SAMHD1: variants seen among roughly 807,000 people sequenced by gnomAD.
SAMHD1 encodes SAM and HD domain containing deoxynucleoside triphosphate triphosphohydrolase 1.
Under a neutral mutation model 79.6 loss-of-function variants are expected in SAMHD1, and 54 were observed. The ratio of observed to expected loss-of-function variants is 0.68; its 90% confidence interval spans 0.55 to 0.85. SAMHD1 has a LOEUF of 0.85. Among genes scored for constraint, SAMHD1 ranks in the 40% least tolerant of loss-of-function variants. The pLI is 0.00. For missense variants in SAMHD1, 663 were observed against 782.7 expected (o/e 0.85, Z 1.82); for synonymous variants, 260 against 264.1 (o/e 0.98, Z 0.15).
In SAMHD1 at chr20:36,951,587, C is replaced by T. The variant is rs1032186742; in HGVS notation, c.57G>A (p.Pro19=). The T allele has an allele frequency of 3.7e-6, 6 of 1,614,044 alleles. No individual in the cohort carries two copies. In the East Asian group the frequency reaches 8.9e-5, roughly 24 times the overall value. Residue 19 remains proline (P), a synonymous_variant, in exon 1 of 16, where the codon CCG becomes CCA. Coordinates refer to ENST00000646673, the MANE Select transcript of SAMHD1 (RefSeq NM_015474.4). Reference sequence around the variant, plus strand: ...CGGAAGGGGTGTTTGAGGGGGTTCTCGGGCTGTCATCGCAACGGGGACGCT... The same window carrying T: ...CGGAAGGGGTGTTTGAGGGGGTTCTTGGGCTGTCATCGCAACGGGGACGCT... ...PSKRPRCDDS[P]RTPSNTPSAE...
intron 5 of SAMHD1, among the ~76,000 whole-genome samples, chr20:36,929,967 T>C (rs547186027): frequency 3.6e-4 from 54 of 151,734 alleles, no homozygotes; most frequent in African/African-American, 1.3e-3. Flanking sequence ...GGCTTACACC[T>C]GTAATCCCAG....
chr20:36,902,807 G>A (rs557271774), intron 13 of SAMHD1, among the ~76,000 whole-genome samples: 2 of 151,166 alleles, frequency 1.3e-5, no homozygotes, highest in African/African-American at 2.4e-5. Flanking sequence ...GTGTGATCTC[G>A]GCTCACTGCA....
rs1290849663 is a variant in SAMHD1 at position 36,935,047 on chromosome 20, C to T, written c.491G>A (p.Arg164Gln). ...TTCTTACCCTAGACTATGCTCAAAT[C>T]GATTGTGTGAAGCTCCTGGAAAAAC... The part of the protein sequence containing the change: ...YYVFPGASHN[R>Q]FEHSLGVGYL... Residue 164 changes from arginine to glutamine, a missense_variant, in exon 4 of 16, where the codon CGA becomes CAA. By Grantham distance (43) the Arg-to-Gln change is conservative. Transcript: ENST00000646673. 42 of 1,613,888 alleles carry T rather than the reference C, an allele frequency of 2.6e-5. No individual in the cohort carries two copies. Among genetic ancestry groups the T allele is most frequent in the African/African-American group, 4.0e-5 (3 of 74,884 alleles).
At position 36,949,963 on chromosome 20, in the gene SAMHD1, G is replaced by A. The variant is rs540334623; in HGVS notation, c.208+1473C>T. On this transcript the variant is annotated intron_variant, in intron 1 of 15. Transcript: ENST00000646673. Reference sequence around the variant, plus strand: ...TGACCAGAGGGAGGCATATTCCACTGCTTTAGTGCCTGCCTGGTCAGATCT... The same window carrying A: ...TGACCAGAGGGAGGCATATTCCACTACTTTAGTGCCTGCCTGGTCAGATCT... Among the ~76,000 whole-genome samples the A allele has an allele frequency of 2.0e-5, 3 of 151,848 alleles. No individual in the cohort carries two copies. In the South Asian group the frequency reaches 6.2e-4, roughly 32 times the overall value.
At chr20:36,909,626 G>A (rs766974421) in intron 11 of SAMHD1, among the ~76,000 whole-genome samples, 155 of 146,728 alleles carry the variant, frequency 1.1e-3, no homozygotes, top group Non-Finnish European at 1.8e-3. Context: ...AGCCGAGATC[G>A]TGCCATTGCA....
At position 36,935,009 on chromosome 20, in the gene SAMHD1, C is replaced by A. The variant is rs771091385; in HGVS notation, c.509+20G>T. 6.2e-7 allele frequency: 1 copy of A among 1,612,996 alleles called. No homozygotes were observed. Among genetic ancestry groups the A allele is most frequent in the South Asian group, 1.1e-5 (1 of 91,038 alleles). On this transcript the variant is annotated intron_variant, in intron 4 of 15. Transcript: ENST00000646673. ...AAAATACTTAAAAACTGCAAGTTCC[C>A]CACCCCATTCCCTTCTTACCCTAGA...
chr20:36,936,883 G>T (rs1426042990), intron 3 of SAMHD1, among the ~76,000 whole-genome samples: 1 of 151,964 alleles, frequency 6.6e-6, no homozygotes, highest in East Asian at 1.9e-4. Flanking sequence ...GCTCATGCTT[G>T]TAATGCCAGC....
chr20:36,951,671 T>C lies in SAMHD1; in HGVS notation c.-28A>G. On this transcript the variant is annotated 5_prime_UTR_variant, in exon 1 of 16. Coordinates refer to ENST00000646673, the MANE Select transcript of SAMHD1 (RefSeq NM_015474.4). ...CTACACCTGGCGTCCGGCACAGCAG[T>C]CAAGAACCTCGGCGCCGGACCCGCG... 1 of 1,611,592 alleles carries C rather than the reference T, an allele frequency of 6.2e-7. No homozygotes were observed. The highest frequency in any genetic ancestry group is 8.5e-7 in the Non-Finnish European group (1 of 1,179,886).
At chr20:36,919,269 C>T (rs2040644972) in intron 7 of SAMHD1, 95 bp downstream of exon 7, 3 of 1,144,562 alleles carry the variant, frequency 2.6e-6, no homozygotes, top group African/African-American at 1.5e-5. Flanking sequence ...TATCATTTAG[C>T]CTCTAAAATA....
intron 2 of SAMHD1, among the ~76,000 whole-genome samples, chr20:36,942,575 G>A (rs1054702751): frequency 6.6e-6 from 1 of 152,104 alleles, no homozygotes; most frequent in African/African-American, 2.4e-5. Flanking sequence ...TTTTATTCCT[G>A]TGTTCCAACA....
At chr20:36,941,858 T>C (rs1207671200) in intron 2 of SAMHD1, among the ~76,000 whole-genome samples, 1 of 152,048 alleles carries the variant, frequency 6.6e-6, no homozygotes, top group Non-Finnish European at 1.5e-5. Context: ...AAGAATAATA[T>C]CTTGGGATAC....
At chr20:36,919,273 TA>T in intron 7 of SAMHD1, 90 bp downstream of exon 7, 3 of 1,294,916 alleles carry the variant, frequency 2.3e-6, no homozygotes, top group African/African-American at 1.5e-5. Context: ...ATTTAGCCTC[TA>T]AAATAGCCAA....
At chr20:36,916,511 G>A (rs1384179307) in intron 9 of SAMHD1, 3 of 493,142 alleles carry the variant, frequency 6.1e-6, no homozygotes, top group South Asian at 2.3e-5. Flanking sequence ...CCCAAAACCA[G>A]TGTCTAACTC....
chr20:36,906,724 A>T (rs1392932101), intron 11 of SAMHD1, among the ~76,000 whole-genome samples: 2 of 151,770 alleles, frequency 1.3e-5, no homozygotes, highest in Non-Finnish European at 2.9e-5. Context: ...AAAATAAAAT[A>T]TCCTTCACTT....
intron 3 of SAMHD1, among the ~76,000 whole-genome samples, chr20:36,939,034 G>C (rs1346383816): frequency 1.5e-5 from 2 of 131,302 alleles, no homozygotes; most frequent in African/African-American, 5.8e-5. Flanking sequence ...TTCAAGACCA[G>C]CCTGGCCAAC....
At position 36,916,741 on chromosome 20, in the gene SAMHD1, C is replaced by T. The variant is rs2063478273; in HGVS notation, c.1043G>A (p.Arg348His). Residue 348 changes from arginine to histidine, a missense_variant, in exon 9 of 16, where the codon CGT (arginine) becomes CAT (histidine). Transcript: ENST00000646673. ...GCTTACCTTATCTCTAGCACAAATA[C>T]GCAACTCATTGTCTACTTCACAGAC... ...ARVCEVDNEL[R>H]ICARDKEVGN... The T allele has an allele frequency of 1.9e-6, 3 of 1,612,586 alleles. No homozygotes were observed. Among genetic ancestry groups the T allele is most frequent in the Admixed American group, 1.7e-5 (1 of 59,966 alleles).
chr20:36,912,168 G>A lies in SAMHD1; in HGVS notation c.1154+293C>T, dbSNP rs190069142. On this transcript the variant is annotated intron_variant, in intron 10 of 15. Transcript: ENST00000646673. ...TGGTGTGTAAGTGACTACCTGTGCC[G>A]AGGTCCTGAGTGATCTCAGCACTGC... is the stretch of plus-strand genomic sequence containing the variant. The A allele has an allele frequency of 1.0e-3, 419 of 403,920 alleles. 5 individuals carry two copies. The highest frequency in any genetic ancestry group is 7.7e-3 in the African/African-American group (382 of 49,452). 25.0% of individuals were successfully genotyped at this position (403,920 alleles called of 1,614,324 possible).
At chr20:36,912,890 T>G (rs6030099) in intron 9 of SAMHD1, among the ~76,000 whole-genome samples, 1 of 31,304 alleles carries the variant, frequency 3.2e-5, no homozygotes, top group African/African-American at 9.7e-5. Flanking sequence ...TCATTCTTTG[T>G]TTTTTTTTTT....
intron 13 of SAMHD1, among the ~76,000 whole-genome samples, chr20:36,900,670 G>T (rs900422056): frequency 8.6e-5 from 13 of 151,720 alleles, no homozygotes; most frequent in Non-Finnish European, 1.9e-4. Flanking sequence ...GGGTTCAAGC[G>T]ATTTTCCTGC....
Sources: gnomAD v4.1 joint callset for allele counts (sites outside exome capture counted in the v4.1 genomes callset) on GRCh38, gnomAD v4.1.1 for gene constraint, MANE v1.5 for transcripts, NCBI Gene and HGNC (gene_info 2026-07-23, HGNC 2026-07-21) for gene names.